The following ERLEC1 variants were observed in gnomAD, a reference collection of about 807,000 sequenced individuals.
The protein encoded by ERLEC1 is endoplasmic reticulum lectin 1.
In ERLEC1, 47 loss-of-function variants were observed where a neutral mutation model predicts 68.0. The ratio of observed to expected loss-of-function variants is 0.69; its 90% CI spans 0.55 to 0.88. ERLEC1 has a LOEUF of 0.88. ERLEC1 is among the 40% of genes least tolerant of loss of function. ERLEC1 has a pLI of 0.00. For missense variants in ERLEC1, 567 were observed against 583.8 expected, an observed-to-expected ratio of 0.97 and a Z score of 0.30; for synonymous variants, 225 against 203.2, an observed-to-expected ratio of 1.11 and a Z score of -0.91.
In ERLEC1 at chr2:53,787,310, C is replaced by G. The variant is rs1252058821; in HGVS notation, c.100C>G (p.Leu34Val). Residue 34 changes from leucine (L) to valine (V), a missense_variant, in exon 1 of 14, where the codon CTT becomes GTT. Coordinates refer to ENST00000185150, the MANE Select transcript of ERLEC1 (RefSeq NM_015701.5). ...LLEASGGGRA[L>V]PQLSDDIPFR... is the part of the protein sequence containing the mutation. ...GGAGGCGTCCGGCGGCGGCCGAGCCCTTCCTCAACTCAGCGATGACATCCC... is the reference window on the plus strand; with the variant it reads ...GGAGGCGTCCGGCGGCGGCCGAGCCGTTCCTCAACTCAGCGATGACATCCC... 1 of 1,611,048 alleles carries G rather than the reference C, an allele frequency of 6.2e-7. No homozygotes were observed. Among genetic ancestry groups the G allele is most frequent in the African/African-American group, 1.3e-5 (1 of 74,934 alleles).
rs1342774905 is a variant in ERLEC1 at position 53,792,520 on chromosome 2, T to C, written c.163-1825T>C. On this transcript the variant is annotated intron_variant, in intron 1 of 13. Transcript: ENST00000185150. ...GGTTGAAGCCCTGGGCGTTAGTGTC[T>C]GTTTCCGTAAAAATGAGCATCATAC... Among the ~76,000 whole-genome samples, 3 of 152,330 alleles carry C rather than the reference T, an allele frequency of 2.0e-5. No individual in the cohort carries two copies. In the South Asian group the frequency reaches 6.2e-4, roughly 32 times the overall value.
chr2:53,799,270 C>G (rs924442337), intron 6 of ERLEC1, among the ~76,000 whole-genome samples, 189 bp downstream of exon 6: 1 of 152,112 alleles, frequency 6.6e-6, no homozygotes, highest in African/African-American at 2.4e-5. Context: ...TGTGGTCTTT[C>G]TATTTACTCT....
At chr2:53,795,813 ACTTTTTTTTCT>A (rs1675662573) in intron 2 of ERLEC1, 109 bp from the exon 3 acceptor site, 2 of 648,880 alleles carry the variant, frequency 3.1e-6, no homozygotes, top group South Asian at 1.9e-5. Flanking sequence ...AAACATTTTG[ACTTTTTTTTCT>A]CTTTTATTTC....
chr2:53,805,863 C>T (rs541122872), intron 8 of ERLEC1, among the ~76,000 whole-genome samples: 1 of 152,258 alleles, frequency 6.6e-6, no homozygotes, highest in African/African-American at 2.4e-5. Flanking sequence ...GATGATATCT[C>T]ATTGTAGTTT....
chr2:53,817,226 C>T (rs1449500609), intron 13 of ERLEC1, among the ~76,000 whole-genome samples: 2 of 152,008 alleles, frequency 1.3e-5, no homozygotes, highest in Middle Eastern at 3.4e-3. Context: ...CTCCACCTCC[C>T]GGGTTCAAGT....
At chr2:53,799,194 A>C in intron 6 of ERLEC1, 113 bp downstream of exon 6, 1 of 879,998 alleles carries the variant, frequency 1.1e-6, no homozygotes, top group Non-Finnish European at 1.8e-6. Flanking sequence ...TCATCTATCA[A>C]ATACCTTGAA....
In ERLEC1 at chr2:53,799,058, GAAGAA is replaced by G. The variant is rs1558596686; in HGVS notation, c.506_510del (p.Glu169GlyfsTer5). 6.2e-7 allele frequency: 1 copy of G among 1,612,482 alleles called. No homozygotes were observed. The highest frequency in any genetic ancestry group is 8.5e-7 in the Non-Finnish European group (1 of 1,179,092). ...TTATTATTCCACAGAACGAGAAGCA[GAAGAA>G]AAGGAAAAATCAAATGAGGCAAGTG... On this transcript the variant is annotated frameshift_variant, in exon 6 of 14. Transcript: ENST00000185150. LOFTEE classifies it high-confidence loss of function.
chr2:53,801,172 A>T (rs529020333), intron 6 of ERLEC1, among the ~76,000 whole-genome samples: 1 of 152,202 alleles, frequency 6.6e-6, no homozygotes, highest in Admixed American at 6.5e-5. Flanking sequence ...GGCACTAAAT[A>T]ATCTTTTTGC....
chr2:53,808,308 C>T lies in ERLEC1; in HGVS notation c.889C>T (p.Gln297Ter), dbSNP rs772307370. 1 of 1,612,836 alleles carries T rather than the reference C, an allele frequency of 6.2e-7. No individual in the cohort carries two copies. The highest frequency in any genetic ancestry group is 8.5e-7 in the Non-Finnish European group (1 of 1,179,760). ...PFRRNKEEDL[Q>*]STKEERFPAI... Reference sequence around the variant, plus strand: ...GTGTGTTTAATTTTAGGAAGATTTGCAATCAACTAAAGAAGAGAGATTTCC... The same window carrying T: ...GTGTGTTTAATTTTAGGAAGATTTGTAATCAACTAAAGAAGAGAGATTTCC... Residue 297 changes from glutamine (Q) to a stop codon, truncating the protein, a stop_gained, in exon 9 of 14, where the codon CAA (glutamine) becomes TAA (stop). Transcript: ENST00000185150. LOFTEE classifies it high-confidence loss of function.
chr2:53,802,630 C>T (rs1676065211), intron 8 of ERLEC1, among the ~76,000 whole-genome samples: 1 of 152,224 alleles, frequency 6.6e-6, no homozygotes. Context: ...CATACTACAT[C>T]TCAGGATAGA....
At chr2:53,815,010 T>TG (rs1388292633) in intron 13 of ERLEC1, 75 bp downstream of exon 13, 39 of 987,382 alleles carry the variant, frequency 3.9e-5, no homozygotes, top group South Asian at 3.0e-4. Context: ...TTTTTTTTTT[T>TG]TTTTTTGTTT....
At chr2:53,799,413 T>C (rs1271133127) in intron 6 of ERLEC1, among the ~76,000 whole-genome samples, 1 of 152,176 alleles carries the variant, frequency 6.6e-6, no homozygotes, top group Admixed American at 6.5e-5. Context: ...TGGTCCCCAT[T>C]TCCTGTGGGC....
rs188010626 is a variant in ERLEC1 at position 53,808,401 on chromosome 2, A to C, written c.982A>C (p.Lys328Gln). 244 of 1,614,202 alleles carry C rather than the reference A, an allele frequency of 1.5e-4. 1 individual carries two copies. The East Asian group carries it at 5.0e-3, about 33-fold the overall frequency. ...VLTVGTTHIS[K>Q]LTDDQLIKEF... is the part of the protein sequence containing the mutation. ...CACTGTTGGGACAACCCACATATCCAAATTGACAGATGACCAACTCATAAA... is the reference window on the plus strand; with the variant it reads ...CACTGTTGGGACAACCCACATATCCCAATTGACAGATGACCAACTCATAAA... The change falls in exon 9 of 14, where the codon AAA (lysine) becomes CAA (glutamine). Residue 328 changes from lysine to glutamine, a missense_variant. Physicochemically the swap from Lys to Gln is moderately conservative, Grantham distance 53 (BLOSUM62 1). Transcript: ENST00000185150.
At chr2:53,787,506 T>G in intron 1 of ERLEC1, 134 bp downstream of exon 1, 1 of 1,043,900 alleles carries the variant, frequency 9.6e-7, no homozygotes, top group Non-Finnish European at 1.3e-6. Flanking sequence ...CCAAAGCTGC[T>G]TTTATGCAGC....
intron 10 of ERLEC1, among the ~76,000 whole-genome samples, chr2:53,810,490 T>C (rs1418711541): frequency 1.3e-5 from 2 of 152,360 alleles, no homozygotes; most frequent in East Asian, 3.9e-4. Flanking sequence ...GTCCTACTTA[T>C]ACTTTGTTTA....
At chr2:53,788,142 C>A (rs1338926218) in intron 1 of ERLEC1, among the ~76,000 whole-genome samples, 1 of 152,270 alleles carries the variant, frequency 6.6e-6, no homozygotes, top group Non-Finnish European at 1.5e-5. Flanking sequence ...ATGACACTTA[C>A]CATGTAGTAA....
chr2:53,787,395 C>T lies in ERLEC1; in HGVS notation c.162+23C>T, dbSNP rs752496973. The stretch of plus-strand genomic sequence containing the variant: ...CTGGTCAGTGCCCTCACTAACCCCG[C>T]AGCCACCCCTCCTCCTGACACTAAG... On this transcript the variant is annotated intron_variant, in intron 1 of 13. Transcript: ENST00000185150. The T allele has an allele frequency of 1.3e-5, 20 of 1,593,654 alleles. No homozygotes were observed. The Admixed American group carries it at 3.3e-4, about 26-fold the overall frequency.
At chr2:53,803,672 G>A (rs1676123670) in intron 8 of ERLEC1, among the ~76,000 whole-genome samples, 3 of 152,094 alleles carry the variant, frequency 2.0e-5, no homozygotes, top group Non-Finnish European at 4.4e-5. Context: ...CTACACAGCA[G>A]GCTGAAGTAG....
chr2:53,787,145 C>T lies in ERLEC1; in HGVS notation c.-66C>T. On this transcript the variant is annotated 5_prime_UTR_variant, in exon 1 of 14. Coordinates refer to ENST00000185150, the MANE Select transcript of ERLEC1 (RefSeq NM_015701.5). ...CCGCCGCCTCCTCCTCCACCTCCTC[C>T]TCCTCCTCCTCTCCTCCTGGAGCAG... The T allele has an allele frequency of 6.9e-7, 1 of 1,455,522 alleles. No homozygotes were observed. Among genetic ancestry groups the T allele is most frequent in the Non-Finnish European group, 9.0e-7 (1 of 1,105,544 alleles). The allele number at this position is 1,455,522 out of a possible 1,614,324, so 90.2% of individuals were successfully genotyped here.
Sources: gnomAD v4.1 joint callset for allele counts (sites outside exome capture counted in the v4.1 genomes callset) on GRCh38, gnomAD v4.1.1 for gene constraint, MANE v1.5 for transcripts, NCBI Gene and HGNC (gene_info 2026-07-23, HGNC 2026-07-21) for gene names.